The following YME1L1 variants were observed in gnomAD, a reference collection of about 807,000 sequenced individuals.
YME1L1 encodes the protein ATP-dependent zinc metalloprotease YME1L1.
YME1L1 carries 39 observed loss-of-function variants against 90.4 expected under a neutral mutation model. That is an observed-to-expected ratio of 0.43 (90% confidence interval 0.33 to 0.56). The LOEUF is 0.56. YME1L1 is among the 20% of genes least tolerant of loss of function. The pLI, the probability that YME1L1 is intolerant of heterozygous loss-of-function variation, is 0.03. For missense variants in YME1L1, 617 were observed against 868.4 expected, an observed-to-expected ratio of 0.71 and a Z score of 3.64; for synonymous variants, 284 against 287.3, an observed-to-expected ratio of 0.99 and a Z score of 0.12.
chr10:27,118,149 A>T (rs919378134), intron 14 of YME1L1, among the ~76,000 whole-genome samples: 1 of 152,184 alleles, frequency 6.6e-6, no homozygotes, highest in African/African-American at 2.4e-5. Flanking sequence ...TAAAACAAAA[A>T]ACTCATTCTC....
At chr10:27,142,888 T>C (rs2057103638) in intron 3 of YME1L1, among the ~76,000 whole-genome samples, 1 of 152,052 alleles carries the variant, frequency 6.6e-6, no homozygotes, top group East Asian at 2.0e-4. Context: ...GCTAATTTTT[T>C]GTATTTTTAG....
chr10:27,126,187 A>G (rs1269999646), intron 9 of YME1L1, among the ~76,000 whole-genome samples: 2 of 152,188 alleles, frequency 1.3e-5, no homozygotes, highest in Non-Finnish European at 2.9e-5. Context: ...TCATGCCTGC[A>G]GTCCTAGTAC....
chr10:27,134,002 A>C, intron 7 of YME1L1, 37 bp downstream of exon 7: 1 of 1,407,550 alleles, frequency 7.1e-7, no homozygotes, highest in Non-Finnish European at 9.9e-7. Context: ...ATTTAAAGGA[A>C]TAAGAAATAA....
chr10:27,152,782 C>T (rs2057236611), intron 1 of YME1L1, among the ~76,000 whole-genome samples: 1 of 151,842 alleles, frequency 6.6e-6, no homozygotes, highest in African/African-American at 2.4e-5. Flanking sequence ...TCATTCTCTT[C>T]TTTCCATAAC....
chr10:27,122,966 T>A lies in YME1L1; in HGVS notation c.1110A>T (p.Ala370=). Residue 370 remains alanine, a synonymous_variant, in exon 11 of 19, where the codon GCA becomes GCT. Transcript: ENST00000376016. ...ASRIRNLFRE[A]KANAPCVIFI... ...ATATAACACAAGGAGCATTCGCCTT[T>A]GCTTCCCCTAAGAAAACAAAAAACA... is the stretch of plus-strand genomic sequence containing the variant. The A allele has an allele frequency of 1.9e-6, 3 of 1,609,998 alleles. No individual in the cohort carries two copies. The highest frequency in any genetic ancestry group is 2.5e-6 in the Non-Finnish European group (3 of 1,178,892).
chr10:27,149,080 TTAAA>T, intron 1 of YME1L1, 40 bp from the exon 2 acceptor site: 3 of 1,527,962 alleles, frequency 2.0e-6, no homozygotes, highest in Non-Finnish European at 2.7e-6. Context: ...TAGTTTTTTT[TTAAA>T]TAAACAGAAC....
At chr10:27,146,052 T>C (rs968418380) in intron 2 of YME1L1, 1 of 153,242 alleles carries the variant, frequency 6.5e-6, no homozygotes, top group Admixed American at 6.5e-5. Context: ...TTACAAAGTA[T>C]GTTATATAAG....
At position 27,122,805 on chromosome 10, in the gene YME1L1, A is replaced by G. The variant is rs200807156; in HGVS notation, c.1235+36T>C. The G allele has an allele frequency of 2.0e-5, 32 of 1,610,176 alleles. No homozygotes were observed. The East Asian group carries it at 7.2e-4, about 36-fold the overall frequency. The stretch of plus-strand genomic sequence containing the variant: ...CTACGTATATCAAATGCTGGGAGGC[A>G]TCACCATATTCTAAGAAAAAAGAAG... On this transcript the variant is annotated intron_variant, in intron 11 of 18. Coordinates refer to ENST00000376016, the MANE Select transcript of YME1L1 (RefSeq NM_014263.4).
At chr10:27,135,060 AT>A (rs2057014052) in intron 5 of YME1L1, 79 bp from the exon 6 acceptor site, 1 of 1,360,498 alleles carries the variant, frequency 7.4e-7, no homozygotes, top group South Asian at 1.5e-5. Flanking sequence ...ACTCAAAAAA[AT>A]TCACTAAAAT....
At chr10:27,131,424 G>A (rs546208363) in intron 8 of YME1L1, among the ~76,000 whole-genome samples, 1 of 152,210 alleles carries the variant, frequency 6.6e-6, no homozygotes, top group South Asian at 2.1e-4. Context: ...ATTCATTCAA[G>A]AAATATACAT....
At chr10:27,135,049 C>T in intron 5 of YME1L1, 68 bp from the exon 6 acceptor site, 2 of 1,455,280 alleles carry the variant, frequency 1.4e-6, no homozygotes, top group Non-Finnish European at 1.8e-6. Context: ...ATATTGTGAC[C>T]ACTCAAAAAA....
At position 27,110,408 on chromosome 10, in the gene YME1L1, G is replaced by A. The variant is rs2056747926; in HGVS notation, c.*1569C>T. The A allele has an allele frequency of 2.6e-5, 4 of 152,256 alleles. 1 individual carries two copies. The South Asian group carries it at 8.3e-4, about 32-fold the overall frequency. 9.4% of individuals were successfully genotyped at this position (152,256 alleles called of 1,614,324 possible). ...AAGAATATAATGTAACAAGCTTCCT[G>A]TAACAATATCTATCTTTTTTCAATG... On this transcript the variant is annotated 3_prime_UTR_variant, in exon 19 of 19. Transcript: ENST00000376016.
intron 11 of YME1L1, 92 bp downstream of exon 11, chr10:27,122,749 C>T (rs1381622558): frequency 6.6e-6 from 10 of 1,526,302 alleles, no homozygotes; most frequent in Non-Finnish European, 8.0e-6. Context: ...ATATGAAATG[C>T]CTTATGGAAA....
intron 9 of YME1L1, among the ~76,000 whole-genome samples, chr10:27,125,175 C>T (rs186957404): frequency 1.9e-4 from 29 of 151,974 alleles, no homozygotes; most frequent in Admixed American, 1.6e-3. Flanking sequence ...CAGGCAAAGC[C>T]TTGAATTAAG....
intron 4 of YME1L1, among the ~76,000 whole-genome samples, chr10:27,140,952 C>A (rs569840529): frequency 6.6e-6 from 1 of 152,174 alleles, no homozygotes; most frequent in Non-Finnish European, 1.5e-5. Flanking sequence ...TAGCTAAAAA[C>A]GTATCAGCTG....
At chr10:27,147,245 C>A in intron 2 of YME1L1, 1 of 627,796 alleles carries the variant, frequency 1.6e-6, no homozygotes. Context: ...GTAATCCCAA[C>A]ACTTTTGAGA....
chr10:27,123,833 A>AC, intron 9 of YME1L1, 134 bp from the exon 10 acceptor site: 1 of 891,540 alleles, frequency 1.1e-6, no homozygotes, highest in Non-Finnish European at 1.6e-6. Context: ...ATTTTGAAAC[A>AC]CAGCAAACCG....
intron 8 of YME1L1, among the ~76,000 whole-genome samples, chr10:27,128,514 C>A (rs2056943087): frequency 6.6e-6 from 1 of 151,824 alleles, no homozygotes; most frequent in African/African-American, 2.4e-5. Flanking sequence ...GATGGGAGGA[C>A]TGCCTGAGCT....
At chr10:27,144,838 T>A (rs934015230) in intron 3 of YME1L1, among the ~76,000 whole-genome samples, 3 of 152,110 alleles carry the variant, frequency 2.0e-5, no homozygotes, top group African/African-American at 7.2e-5. Context: ...TGTAGTTTAG[T>A]TAAAAATAAG....
Sources: gnomAD v4.1 joint callset for allele counts (sites outside exome capture counted in the v4.1 genomes callset) on GRCh38, gnomAD v4.1.1 for gene constraint, MANE v1.5 for transcripts, NCBI Gene and HGNC (gene_info 2026-07-23, HGNC 2026-07-21) for gene names.